The following SUGCT variants were observed in gnomAD, a reference collection of about 807,000 sequenced individuals.
SUGCT encodes succinyl-CoA:glutarate-CoA transferase.
SUGCT carries 41 observed loss-of-function variants against 55.0 expected under a neutral mutation model. The ratio of observed to expected loss-of-function variants is 0.74; its 90% CI spans 0.58 to 0.97. The LOEUF is 0.97. SUGCT is among the 50% of genes least tolerant of loss of function. The pLI is 0.00. For missense variants in SUGCT, 568 were observed against 547.8 expected, an observed-to-expected ratio of 1.04 and a Z score of -0.37; for synonymous variants, 187 against 200.4, an observed-to-expected ratio of 0.93 and a Z score of 0.56.
intron 11 of SUGCT, among the ~76,000 whole-genome samples, chr7:40,460,186 C>CT (rs1789715210): frequency 6.6e-6 from 1 of 152,158 alleles, no homozygotes; most frequent in Non-Finnish European, 1.5e-5. Flanking sequence ...ATTCATCTAT[C>CT]TATTTTTCCT....
At chr7:40,524,973 T>C (rs1793726688) in intron 12 of SUGCT, among the ~76,000 whole-genome samples, 1 of 152,194 alleles carries the variant, frequency 6.6e-6, no homozygotes, top group African/African-American at 2.4e-5. Context: ...AATATGTTTA[T>C]CTTTGGCTTC....
intron 12 of SUGCT, among the ~76,000 whole-genome samples, chr7:40,528,034 C>A (rs1475664571): frequency 6.6e-6 from 1 of 152,144 alleles, no homozygotes; most frequent in Non-Finnish European, 1.5e-5. Flanking sequence ...AGTTCAAATT[C>A]TGACTCTACT....
intron 9 of SUGCT, among the ~76,000 whole-genome samples, chr7:40,384,532 T>A (rs1785019608): frequency 6.6e-6 from 1 of 152,084 alleles, no homozygotes; most frequent in Non-Finnish European, 1.5e-5. Flanking sequence ...TGCCAACACA[T>A]ACCCTGGCTC....
the SUGCT span, among the ~76,000 whole-genome samples, chr7:41,036,303 G>C: frequency 6.6e-6 from 1 of 152,154 alleles, no homozygotes; most frequent in African/African-American, 2.4e-5. Flanking sequence ...TTTCATAGCT[G>C]TCAGACTTTT....
chr7:40,743,480 A>T (rs1405996604), intron 12 of SUGCT, among the ~76,000 whole-genome samples: 1 of 152,222 alleles, frequency 6.6e-6, no homozygotes, highest in African/African-American at 2.4e-5. Context: ...AGCAGGGGAC[A>T]AAACAGATAA....
chr7:40,818,951 T>G (rs1175643857), intron 13 of SUGCT, among the ~76,000 whole-genome samples: 1 of 121,146 alleles, frequency 8.3e-6, no homozygotes, highest in Non-Finnish European at 1.6e-5. Flanking sequence ...ATGTTCCCCA[T>G]CCTGTGTCCA....
chr7:40,300,829 C>G (rs1436897934), intron 8 of SUGCT, among the ~76,000 whole-genome samples: 1 of 152,142 alleles, frequency 6.6e-6, no homozygotes, highest in African/African-American at 2.4e-5. Context: ...ATTTTATTCT[C>G]TGGTGAGATG....
At chr7:40,934,491 G>A in the SUGCT span, among the ~76,000 whole-genome samples, 1 of 152,218 alleles carries the variant, frequency 6.6e-6, no homozygotes, top group African/African-American at 2.4e-5. Flanking sequence ...AGACAGCGAT[G>A]TTTAAGTCTG....
chr7:40,285,558 A>C (rs1423072999), intron 8 of SUGCT, among the ~76,000 whole-genome samples: 3 of 152,034 alleles, frequency 2.0e-5, no homozygotes, highest in Non-Finnish European at 1.5e-5. Flanking sequence ...TTGGCTAATC[A>C]ATCAGTGGTG....
intron 11 of SUGCT, among the ~76,000 whole-genome samples, chr7:40,495,732 G>GT (rs1397165972): frequency 6.6e-6 from 1 of 152,122 alleles, no homozygotes; most frequent in African/African-American, 2.4e-5. Flanking sequence ...TTTGAGTTTT[G>GT]TTGGTTAAAC....
chr7:40,252,659 AT>A (rs1318756466), intron 7 of SUGCT, among the ~76,000 whole-genome samples: 1 of 151,962 alleles, frequency 6.6e-6, no homozygotes, highest in East Asian at 1.9e-4. Context: ...AACTTATTTT[AT>A]TTTTTGAAAT....
the SUGCT span, among the ~76,000 whole-genome samples, chr7:40,871,141 C>T: frequency 2.0e-5 from 3 of 152,088 alleles, no homozygotes; most frequent in African/African-American, 7.2e-5. Flanking sequence ...TGACTAGGTC[C>T]CCTTTGCAGA....
At chr7:40,248,888 G>GCACA (rs34780979) in intron 7 of SUGCT, among the ~76,000 whole-genome samples, 4,921 of 135,480 alleles carry the variant, frequency 0.036, 109 homozygotes, top group Middle Eastern at 0.07. Context: ...GCGCGCGCTC[G>GCACA]CACACACACA....
chr7:40,243,778 T>C (rs1038431319), intron 7 of SUGCT, among the ~76,000 whole-genome samples: 1 of 152,218 alleles, frequency 6.6e-6, no homozygotes, highest in Non-Finnish European at 1.5e-5. Flanking sequence ...TAGTTTCCAG[T>C]GCAATAAATG....
At chr7:40,413,741 T>C (rs1000568999) in intron 9 of SUGCT, among the ~76,000 whole-genome samples, 7 of 152,116 alleles carry the variant, frequency 4.6e-5, no homozygotes. Context: ...AAAATCCTAA[T>C]TGTAAAACAA....
In SUGCT at chr7:40,763,603, A is replaced by T. The variant is rs148159030; in HGVS notation, c.1153+14106A>T. Among the ~76,000 whole-genome samples the T allele has an allele frequency of 6.7e-4, 102 of 152,296 alleles. 2 individuals are homozygous for T. The East Asian group carries it at 0.019, about 28-fold the overall frequency. Reference sequence around the variant, plus strand: ...GGCTTGACACAGATAATCCTGTGGCATGGCTTCAGCAAGCAGCTTGCCCAA... The same window carrying T: ...GGCTTGACACAGATAATCCTGTGGCTTGGCTTCAGCAAGCAGCTTGCCCAA... On this transcript the variant is annotated intron_variant, in intron 13 of 13. Transcript: ENST00000335693.
At chr7:40,940,523 A>G in the SUGCT span, among the ~76,000 whole-genome samples, 3 of 151,894 alleles carry the variant, frequency 2.0e-5, no homozygotes, top group African/African-American at 7.2e-5. Flanking sequence ...CATGGGATGT[A>G]TTTCCATTTG....
At chr7:40,760,300 C>T (rs572372817) in intron 13 of SUGCT, among the ~76,000 whole-genome samples, 66 of 152,192 alleles carry the variant, frequency 4.3e-4, no homozygotes, top group Middle Eastern at 3.4e-3. Flanking sequence ...TTTTCTTCCC[C>T]AAGCATGTGG....
intron 12 of SUGCT, among the ~76,000 whole-genome samples, chr7:40,707,669 C>G (rs1785495177): frequency 6.6e-6 from 1 of 152,152 alleles, no homozygotes; most frequent in Non-Finnish European, 1.5e-5. Context: ...TCCAATAACC[C>G]ACTTTCCCTA....
Sources: gnomAD v4.1 joint callset for allele counts (sites outside exome capture counted in the v4.1 genomes callset) on GRCh38, gnomAD v4.1.1 for gene constraint, MANE v1.5 for transcripts, NCBI Gene and HGNC (gene_info 2026-07-23, HGNC 2026-07-21) for gene names.